The following MICU3 variants were observed in gnomAD, a reference collection of about 807,000 sequenced individuals.
The protein encoded by MICU3 is calcium uptake protein 3, mitochondrial.
MICU3 carries 62 observed loss-of-function variants against 66.5 expected under a neutral mutation model. The observed-to-expected ratio is 0.93, with a 90% confidence interval of 0.76 to 1.15. The LOEUF is 1.15. Ranked by LOEUF, MICU3 falls within the 50% of genes most tolerant of loss-of-function variation. The pLI, the probability that MICU3 is intolerant of heterozygous loss-of-function variation, is 0.00. For missense variants in MICU3, 779 were observed against 664.4 expected (o/e 1.17, Z -1.90); for synonymous variants, 308 against 240.7 (o/e 1.28, Z -2.59).
Position 17,121,183 on chromosome 8 carries a change from G to T in MICU3, c.*896G>T, listed in dbSNP as rs1383663694. 6.6e-6 allele frequency: 1 copy of T among 151,836 alleles called. No homozygotes were observed. The highest frequency in any genetic ancestry group is 1.9e-4 in the East Asian group (1 of 5,202). 9.4% of individuals were successfully genotyped at this position (151,836 alleles called of 1,614,324 possible). Reference sequence around the variant, plus strand: ...CTGTAACTTACTGCATATTGTTAATGTATGTCTAGCATCAAATGAGTATTG... The same window carrying T: ...CTGTAACTTACTGCATATTGTTAATTTATGTCTAGCATCAAATGAGTATTG... On this transcript the variant is annotated 3_prime_UTR_variant, in exon 15 of 15. Coordinates refer to ENST00000318063, the MANE Select transcript of MICU3 (RefSeq NM_181723.3).
At chr8:17,034,774 C>A (rs1401584083) in intron 1 of MICU3, among the ~76,000 whole-genome samples, 2 of 152,234 alleles carry the variant, frequency 1.3e-5, no homozygotes, top group African/African-American at 4.8e-5. Context: ...CAGACGAGGA[C>A]TTGCCTCTAT....
At chr8:17,090,892 G>C (rs183029162) in intron 8 of MICU3, among the ~76,000 whole-genome samples, 1 of 152,188 alleles carries the variant, frequency 6.6e-6, no homozygotes, top group East Asian at 1.9e-4. Flanking sequence ...GAGTTATGTA[G>C]AGAGAGCAGA....
intron 4 of MICU3, among the ~76,000 whole-genome samples, chr8:17,079,565 C>A (rs1287948481): frequency 6.6e-6 from 1 of 151,814 alleles, no homozygotes; most frequent in Non-Finnish European, 1.5e-5. Context: ...TTTATTGAGT[C>A]AGGGTCTCAT....
At chr8:17,033,240 G>C (rs1241344024) in intron 1 of MICU3, among the ~76,000 whole-genome samples, 3 of 152,212 alleles carry the variant, frequency 2.0e-5, no homozygotes, top group African/African-American at 7.2e-5. Context: ...GTCTCTTGTG[G>C]AAAGAGTTAG....
intron 8 of MICU3, among the ~76,000 whole-genome samples, chr8:17,097,172 A>G (rs1800797404): frequency 6.6e-6 from 1 of 151,814 alleles, no homozygotes; most frequent in Non-Finnish European, 1.5e-5. Context: ...ACGCATCCAC[A>G]TTCAAAATAT....
intron 10 of MICU3, 46 bp downstream of exon 10, chr8:17,104,537 A>T: frequency 2.0e-6 from 2 of 1,003,260 alleles, no homozygotes; most frequent in Non-Finnish European, 2.8e-6. Flanking sequence ...AGCCTACTGA[A>T]ATCAGAAGGA....
chr8:17,059,888 T>C (rs1047627576), intron 1 of MICU3, among the ~76,000 whole-genome samples: 1 of 152,188 alleles, frequency 6.6e-6, no homozygotes, highest in African/African-American at 2.4e-5. Flanking sequence ...GAAAAATCAA[T>C]ATTGTGAGAC....
intron 1 of MICU3, among the ~76,000 whole-genome samples, chr8:17,030,251 A>C (rs932751911): frequency 6.6e-6 from 1 of 152,098 alleles, no homozygotes; most frequent in Non-Finnish European, 1.5e-5. Flanking sequence ...GTTTGATTTT[A>C]TAAGCTCTTG....
intron 2 of MICU3, among the ~76,000 whole-genome samples, chr8:17,066,652 C>T (rs1019098400): frequency 2.0e-5 from 3 of 150,636 alleles, no homozygotes; most frequent in Non-Finnish European, 4.4e-5. Context: ...AAGTGATCCT[C>T]CCACCTCAGC....
intron 3 of MICU3, among the ~76,000 whole-genome samples, chr8:17,073,685 G>T (rs572580621): frequency 2.0e-5 from 3 of 152,208 alleles, no homozygotes; most frequent in African/African-American, 7.2e-5. Flanking sequence ...CAAAAAGGTT[G>T]GGGACTGCTG....
chr8:17,138,584 G>A, the MICU3 span, among the ~76,000 whole-genome samples: 4 of 152,224 alleles, frequency 2.6e-5, no homozygotes, highest in African/African-American at 9.6e-5. Flanking sequence ...GGTAATATAC[G>A]CACCATCGTC....
At chr8:17,083,095 G>A (rs901540910) in intron 5 of MICU3, among the ~76,000 whole-genome samples, 3 of 152,036 alleles carry the variant, frequency 2.0e-5, no homozygotes, top group African/African-American at 7.2e-5. Flanking sequence ...ATAATTTGGT[G>A]GGTAGTGGGT....
At chr8:17,066,609 C>G (rs1004623506) in intron 2 of MICU3, among the ~76,000 whole-genome samples, 9 of 143,246 alleles carry the variant, frequency 6.3e-5, no homozygotes, top group African/African-American at 2.1e-4. Flanking sequence ...GTGACGTGAT[C>G]ACTACTCACT....
At chr8:17,064,486 A>G (rs1818370955) in intron 2 of MICU3, among the ~76,000 whole-genome samples, 1 of 152,106 alleles carries the variant, frequency 6.6e-6, no homozygotes, top group Non-Finnish European at 1.5e-5. Context: ...CTCTTTATAA[A>G]AGACTCATAT....
chr8:17,101,690 G>A (rs1232391054), intron 9 of MICU3, among the ~76,000 whole-genome samples: 3 of 151,786 alleles, frequency 2.0e-5, no homozygotes, highest in African/African-American at 4.8e-5. Context: ...CCTTAATTAT[G>A]TTATCTGAAT....
rs766373078 is a variant in MICU3 at position 17,098,418 on chromosome 8, A to G, written c.889-40A>G. On this transcript the variant is annotated intron_variant, in intron 8 of 14. Coordinates refer to ENST00000318063, the MANE Select transcript of MICU3 (RefSeq NM_181723.3). ...GTATAAATTATCATTCTTTGTAACT[A>G]TTCTTTAGATTTCAGTTGTGCTTCT... 6.7e-6 allele frequency: 8 copies of G among 1,199,434 alleles called. No individual in the cohort carries two copies. The East Asian group carries it at 9.3e-5, about 14-fold the overall frequency. The allele number at this position is 1,199,434 out of a possible 1,614,324, so 74.3% of individuals were successfully genotyped here. A position where few individuals can be genotyped will look rare whatever the true frequency, so the allele number is the denominator to read the frequency against.
intron 1 of MICU3, among the ~76,000 whole-genome samples, chr8:17,044,532 C>A (rs1220192274): frequency 1.3e-4 from 19 of 151,946 alleles, no homozygotes; most frequent in Admixed American, 1.2e-3. Context: ...AGGAATGTAA[C>A]CTAGAAAAAT....
intron 7 of MICU3, among the ~76,000 whole-genome samples, chr8:17,089,675 C>T (rs62502370): frequency 0.049 from 7,415 of 152,090 alleles, 264 homozygotes; most frequent in Non-Finnish European, 0.081. Flanking sequence ...GGACAATGTC[C>T]TTAACCTCTC....
At chr8:17,063,819 C>A (rs563178978) in intron 1 of MICU3, among the ~76,000 whole-genome samples, 135 of 150,420 alleles carry the variant, frequency 9.0e-4, no homozygotes, top group African/African-American at 3.2e-3. Flanking sequence ...AGAAATAAAC[C>A]AAAAAAAAAT....
Sources: gnomAD v4.1 joint callset for allele counts (sites outside exome capture counted in the v4.1 genomes callset) on GRCh38, gnomAD v4.1.1 for gene constraint, MANE v1.5 for transcripts, NCBI Gene and HGNC (gene_info 2026-07-23, HGNC 2026-07-21) for gene names.